The following DPM1 variants were observed in gnomAD, a reference collection of about 807,000 sequenced individuals.
The protein encoded by DPM1 is dolichol-phosphate mannosyltransferase subunit 1.
DPM1 carries 27 observed loss-of-function variants against 39.0 expected under a neutral mutation model. The ratio of observed to expected loss-of-function variants is 0.69; its 90% CI spans 0.51 to 0.95. DPM1 has a LOEUF of 0.95. DPM1 is among the 40% of genes least tolerant of loss of function. The pLI is 0.00. For missense variants in DPM1, 307 were observed against 315.6 expected (o/e 0.97, Z 0.21); for synonymous variants, 124 against 109.0 (o/e 1.14, Z -0.86).
At chr20:50,935,381 A>G (rs930663154) in intron 8 of DPM1, 145 bp from the exon 9 acceptor site, 1 of 639,708 alleles carries the variant, frequency 1.6e-6, no homozygotes, top group African/African-American at 1.9e-5. Flanking sequence ...GGATTATGAA[A>G]GCAACTGTGT....
chr20:50,941,958 C>T, intron 6 of DPM1, 73 bp downstream of exon 6: 1 of 1,290,950 alleles, frequency 7.7e-7, no homozygotes, highest in Non-Finnish European at 1.1e-6. Flanking sequence ...AGCATGATAG[C>T]TAATCCAAAT....
intron 7 of DPM1, among the ~76,000 whole-genome samples, chr20:50,940,453 T>C (rs1046629218): frequency 2.0e-5 from 3 of 152,180 alleles, no homozygotes; most frequent in African/African-American, 7.2e-5. Context: ...AACAAAAATT[T>C]CCTCAAACAT....
At chr20:50,939,016 T>C (rs1330404503) in intron 7 of DPM1, among the ~76,000 whole-genome samples, 2 of 151,882 alleles carry the variant, frequency 1.3e-5, no homozygotes, top group African/African-American at 4.8e-5. Context: ...AATTAACAGG[T>C]TCACTTTTGT....
Position 50,934,999 on chromosome 20 carries a change from T to C in DPM1, c.*133A>G. ...AATTTGAAATATAAAATAGGTGGTC[T>C]TCATAAAAAGATGCATGAAATTTAC... On this transcript the variant is annotated 3_prime_UTR_variant, in exon 9 of 9. Coordinates refer to ENST00000371588, the MANE Select transcript of DPM1 (RefSeq NM_003859.3). 1.7e-6 allele frequency: 1 copy of C among 604,066 alleles called. No homozygotes were observed. The highest frequency in any genetic ancestry group is 2.9e-5 in the East Asian group (1 of 34,360). The allele number at this position is 604,066 out of a possible 1,614,324, so 37.4% of individuals were successfully genotyped here.
At position 50,936,235 on chromosome 20, in the gene DPM1, T is replaced by A; in HGVS notation, c.591A>T (p.Lys197Asn). 6.2e-7 allele frequency: 1 copy of A among 1,611,866 alleles called. No homozygotes were observed. Among genetic ancestry groups the A allele is most frequent in the Non-Finnish European group, 8.5e-7 (1 of 1,178,322 alleles). Reference protein sequence around the residue: ...FRLYRKEVLEKLIEKCVSKGY... With the variant: ...FRLYRKEVLENLIEKCVSKGY... Reference sequence around the variant, plus strand: ...CTTTAGAAACACATTTTTCTATTAATTTCTCTAGAACTTCTTTTCGGTATA... The same window carrying A: ...CTTTAGAAACACATTTTTCTATTAAATTCTCTAGAACTTCTTTTCGGTATA... Residue 197 changes from lysine (K) to asparagine (N), a missense_variant, in exon 8 of 9, where the codon AAA becomes AAT. Transcript: ENST00000371588.
chr20:50,941,376 A>G (rs889759840), intron 6 of DPM1, among the ~76,000 whole-genome samples: 1 of 142,790 alleles, frequency 7.0e-6, no homozygotes, highest in African/African-American at 2.6e-5. Context: ...TATTCATATT[A>G]TATATATTCA....
chr20:50,935,722 C>T (rs952136750), intron 8 of DPM1, among the ~76,000 whole-genome samples: 3 of 152,142 alleles, frequency 2.0e-5, no homozygotes, highest in African/African-American at 4.8e-5. Context: ...AGCTCACTAA[C>T]GAGCCCTAAA....
At position 50,949,763 on chromosome 20, in the gene DPM1, A is replaced by T. The variant is rs533486276; in HGVS notation, c.262-1101T>A. 6.0e-4 allele frequency among the ~76,000 whole-genome samples: 87 copies of T among 145,632 alleles called. No individual in the cohort carries two copies. In the Middle Eastern group the frequency reaches 0.021, roughly 36 times the overall value. On this transcript the variant is annotated intron_variant, in intron 2 of 8. Coordinates refer to ENST00000371588, the MANE Select transcript of DPM1 (RefSeq NM_003859.3). ...AAAGCATTTTCAATTAAAGCAGATGATTTTTTTTTTTTTTCACTATATGCA... is the reference window on the plus strand; with the variant it reads ...AAAGCATTTTCAATTAAAGCAGATGTTTTTTTTTTTTTTTCACTATATGCA...
At chr20:50,950,541 ACT>A (rs1053299302) in intron 2 of DPM1, among the ~76,000 whole-genome samples, 3 of 152,080 alleles carry the variant, frequency 2.0e-5, no homozygotes, top group Non-Finnish European at 2.9e-5. Flanking sequence ...ATTTTCTACA[ACT>A]CTGTTTTAGC....
chr20:50,944,312 A>G (rs1179116038), intron 5 of DPM1: 1 of 152,210 alleles, frequency 6.6e-6, no homozygotes, highest in African/African-American at 2.4e-5. Flanking sequence ...GATTTCTTCT[A>G]TAGATGGTCT....
intron 6 of DPM1, 26 bp downstream of exon 6, chr20:50,942,005 A>G (rs1460181174): frequency 3.8e-6 from 6 of 1,561,148 alleles, no homozygotes; most frequent in Non-Finnish European, 4.4e-6. Flanking sequence ...TTATACTAAT[A>G]AAGAAGTTGT....
At chr20:50,937,831 T>C (rs1173653934) in intron 7 of DPM1, among the ~76,000 whole-genome samples, 2 of 151,892 alleles carry the variant, frequency 1.3e-5, no homozygotes, top group African/African-American at 4.8e-5. Context: ...ATTATTATTA[T>C]TATTATTTTT....
intron 6 of DPM1, chr20:50,941,264 A>ATATATATATATATAT (rs56852828): frequency 1.2e-5 from 2 of 167,960 alleles, no homozygotes; most frequent in Non-Finnish European, 2.3e-5. Context: ...ATATATATAT[A>ATATATATATATATAT]AATAAAATAC....
intron 2 of DPM1, among the ~76,000 whole-genome samples, chr20:50,951,271 G>A (rs1011804704): frequency 6.6e-6 from 1 of 152,154 alleles, no homozygotes; most frequent in African/African-American, 2.4e-5. Flanking sequence ...AAATATTAGA[G>A]TATTATGGAG....
intron 3 of DPM1, among the ~76,000 whole-genome samples, chr20:50,947,334 G>A (rs1007022528): frequency 3.1e-4 from 47 of 152,360 alleles, no homozygotes; most frequent in African/African-American, 1.0e-3. Flanking sequence ...TTGTGCCACT[G>A]CACTCCAGCC....
chr20:50,958,332 A>G, intron 1 of DPM1, 31 bp downstream of exon 1: 1 of 1,610,376 alleles, frequency 6.2e-7, no homozygotes, highest in South Asian at 1.1e-5. Context: ...AGCTCATCTC[A>G]TTCTTCGGGG....
intron 3 of DPM1, among the ~76,000 whole-genome samples, chr20:50,946,729 C>CA (rs1020679177): frequency 6.6e-6 from 1 of 152,176 alleles, no homozygotes; most frequent in Non-Finnish European, 1.5e-5. Flanking sequence ...CCAGACCCCT[C>CA]ACAAGTGTCT....
intron 2 of DPM1, among the ~76,000 whole-genome samples, chr20:50,952,002 C>T (rs1986607745): frequency 6.6e-6 from 1 of 152,056 alleles, no homozygotes; most frequent in African/African-American, 2.4e-5. Flanking sequence ...ATCTGATGGC[C>T]CCTTTCTATG....
intron 7 of DPM1, among the ~76,000 whole-genome samples, chr20:50,937,982 A>G (rs1985360890): frequency 1.3e-5 from 2 of 152,106 alleles, no homozygotes; most frequent in South Asian, 4.1e-4. Flanking sequence ...TCCAGCCAGC[A>G]TTACCTTTAA....
Sources: allele counts gnomAD v4.1 joint callset (sites outside exome capture counted in the v4.1 genomes callset), GRCh38; gene constraint gnomAD v4.1.1; transcripts MANE v1.5; gene names NCBI Gene and HGNC (gene_info 2026-07-23, HGNC 2026-07-21).